EFNA5: variants seen among roughly 807,000 people sequenced by gnomAD.
EFNA5 encodes ephrin-A5.
A neutral mutation model predicts 22.9 loss-of-function variants in EFNA5; 5 were observed. The ratio of observed to expected loss-of-function variants is 0.22; its 90% CI spans 0.11 to 0.46. The LOEUF (loss-of-function observed/expected upper bound fraction) is 0.46. Ranked by LOEUF, EFNA5 falls within the 20% of genes least tolerant of loss-of-function variation. The pLI is 0.99. For synonymous variants in EFNA5, 113 were observed against 112.2 expected, an observed-to-expected ratio of 1.01 and a Z score of -0.04; for missense variants, 237 against 293.3, an observed-to-expected ratio of 0.81 and a Z score of 1.40.
chr5:107,607,343 T>C (rs1190717994), intron 1 of EFNA5, among the ~76,000 whole-genome samples: 1 of 152,248 alleles, frequency 6.6e-6, no homozygotes, highest in Non-Finnish European at 1.5e-5. Flanking sequence ...GCTAACTCGC[T>C]GCCTGCTAGA....
Position 107,377,250 on chromosome 5 carries a change from T to C in EFNA5, c.*4005A>G, listed in dbSNP as rs533702883. On this transcript the variant is annotated 3_prime_UTR_variant, in exon 5 of 5. Transcript: ENST00000333274. ...TGTACAGACAATGGGAGCAAGCCCATTGTAGGGAGATTTGTCTCACATCCT... is the reference window on the plus strand; with the variant it reads ...TGTACAGACAATGGGAGCAAGCCCACTGTAGGGAGATTTGTCTCACATCCT... 2.6e-5 allele frequency: 4 copies of C among 152,118 alleles called. No homozygotes were observed. The highest frequency in any genetic ancestry group is 7.2e-5 in the African/African-American group (3 of 41,494). The allele number at this position is 152,118 out of a possible 1,614,324, so 9.4% of individuals were successfully genotyped here.
intron 1 of EFNA5, among the ~76,000 whole-genome samples, chr5:107,603,462 C>G (rs530715777): frequency 2.0e-4 from 30 of 152,302 alleles, no homozygotes; most frequent in Middle Eastern, 6.8e-3. Context: ...TAGGCCATAC[C>G]TCAGGAGAAC....
intron 1 of EFNA5, among the ~76,000 whole-genome samples, chr5:107,531,781 A>G (rs1747815207): frequency 6.6e-6 from 1 of 152,222 alleles, no homozygotes; most frequent in South Asian, 2.1e-4. Context: ...ATACTAACGT[A>G]ATGTGCAGGA....
At chr5:107,609,421 C>T (rs1749783566) in intron 1 of EFNA5, among the ~76,000 whole-genome samples, 2 of 152,174 alleles carry the variant, frequency 1.3e-5, no homozygotes, top group Admixed American at 6.5e-5. Context: ...CTTCCCGTGA[C>T]TTGGCCTCCT....
At chr5:107,659,496 CTTTTTT>C (rs550340874) in intron 1 of EFNA5, among the ~76,000 whole-genome samples, 2 of 129,270 alleles carry the variant, frequency 1.5e-5, no homozygotes, top group Non-Finnish European at 3.3e-5. Flanking sequence ...TTGGGTTTTC[CTTTTTT>C]TTTTTTTTTT....
At chr5:107,494,259 A>AGCTGCGGGCG (rs374666597) in intron 1 of EFNA5, among the ~76,000 whole-genome samples, 3 of 152,084 alleles carry the variant, frequency 2.0e-5, no homozygotes, top group Non-Finnish European at 1.5e-5. Flanking sequence ...CGGAGGCGTG[A>AGCTGCGGGCG]GCTGCGGGCG....
Position 107,502,882 on chromosome 5 carries a change from C to T in EFNA5, c.126-75373G>A, listed in dbSNP as rs1221137864. 3.3e-5 allele frequency among the ~76,000 whole-genome samples: 5 copies of T among 152,246 alleles called. No homozygotes were observed. In the East Asian group the frequency reaches 5.8e-4, roughly 18 times the overall value. ...TAGCAGCAGCACTCCAACCCTCTTC[C>T]CATTCATTGCCTACAGGAACCACTC... On this transcript the variant is annotated intron_variant, in intron 1 of 4. Transcript: ENST00000333274.
rs542991116 is a variant in EFNA5 at position 107,480,880 on chromosome 5, G to A, written c.126-53371C>T. Among the ~76,000 whole-genome samples, 6 of 149,410 alleles carry A rather than the reference G, an allele frequency of 4.0e-5. No individual in the cohort carries two copies. In the South Asian group the frequency reaches 1.3e-3, roughly 32 times the overall value. ...GTGACTGCCTAGAAATGAGCAGAAG[G>A]AGAACTTGGAAATAACAGGTCTGAA... On this transcript the variant is annotated intron_variant, in intron 1 of 4. Coordinates refer to ENST00000333274, the MANE Select transcript of EFNA5 (RefSeq NM_001962.3).
At chr5:107,638,500 G>T (rs1228202491) in intron 1 of EFNA5, among the ~76,000 whole-genome samples, 1 of 151,960 alleles carries the variant, frequency 6.6e-6, no homozygotes, top group African/African-American at 2.4e-5. Context: ...AATTCAAACA[G>T]GCATGGATCA....
chr5:107,411,727 A>G (rs1414776062), intron 2 of EFNA5, among the ~76,000 whole-genome samples: 1 of 152,148 alleles, frequency 6.6e-6, no homozygotes, highest in African/African-American at 2.4e-5. Flanking sequence ...CACACCAACT[A>G]TAGGCATGGC....
chr5:107,574,521 A>C (rs185123067), intron 1 of EFNA5, among the ~76,000 whole-genome samples: 1 of 152,360 alleles, frequency 6.6e-6, no homozygotes, highest in East Asian at 1.9e-4. Flanking sequence ...GTAGCAGATT[A>C]GTAGGCAGCC....
In EFNA5 at chr5:107,546,486, C is replaced by T. The variant is rs202028651; in HGVS notation, c.126-118977G>A. On this transcript the variant is annotated intron_variant, in intron 1 of 4. Transcript: ENST00000333274. ...ATTTGCACAGCATATGTACTGCGTC[C>T]GAAGCAGTGCATTAAAAAAGATCTC... Among the ~76,000 whole-genome samples the T allele has an allele frequency of 2.6e-5, 4 of 152,258 alleles. No homozygotes were observed. In the East Asian group the frequency reaches 5.8e-4, roughly 22 times the overall value.
At chr5:107,661,012 A>G (rs951591530) in intron 1 of EFNA5, among the ~76,000 whole-genome samples, 1 of 152,128 alleles carries the variant, frequency 6.6e-6, no homozygotes, top group Non-Finnish European at 1.5e-5. Flanking sequence ...ACAGTATCTA[A>G]AACATTAATG....
At chr5:107,600,795 T>C (rs1161671342) in intron 1 of EFNA5, among the ~76,000 whole-genome samples, 1 of 152,140 alleles carries the variant, frequency 6.6e-6, no homozygotes, top group Non-Finnish European at 1.5e-5. Context: ...GCCAAAAATG[T>C]TTCTCTCTTA....
chr5:107,585,044 A>G (rs1749155998), intron 1 of EFNA5, among the ~76,000 whole-genome samples: 1 of 152,072 alleles, frequency 6.6e-6, no homozygotes, highest in East Asian at 1.9e-4. Context: ...TTATGGGACT[A>G]GTGAGGATCA....
At chr5:107,592,169 C>T (rs979115394) in intron 1 of EFNA5, among the ~76,000 whole-genome samples, 1 of 139,438 alleles carries the variant, frequency 7.2e-6, no homozygotes, top group Non-Finnish European at 1.5e-5. Context: ...CATTAAATAT[C>T]ATTAGAGTAG....
chr5:107,412,284 G>C (rs1748388513), intron 2 of EFNA5, among the ~76,000 whole-genome samples: 3 of 151,978 alleles, frequency 2.0e-5, no homozygotes, highest in African/African-American at 7.3e-5. Flanking sequence ...GAACTGACTT[G>C]GAATGTACGG....
chr5:107,426,963 A>T (rs546167380), intron 2 of EFNA5: 47 of 371,178 alleles, frequency 1.3e-4, no homozygotes, highest in South Asian at 6.7e-4. Flanking sequence ...ATTTTCATTT[A>T]AAAAAAATAC....
chr5:107,395,034 C>CTTTAGTTCTTTTTTTTTTTTTT (rs1747883567), intron 2 of EFNA5, among the ~76,000 whole-genome samples: 4 of 86,142 alleles, frequency 4.6e-5, no homozygotes, highest in Non-Finnish European at 8.8e-5. Flanking sequence ...ATTTCTAGTT[C>CTTTAGTTCTTTTTTTTTTTTTT]TTTTTTTTTT....
Sources: gnomAD v4.1 joint callset for allele counts (sites outside exome capture counted in the v4.1 genomes callset) on GRCh38, gnomAD v4.1.1 for gene constraint, MANE v1.5 for transcripts, NCBI Gene and HGNC (gene_info 2026-07-23, HGNC 2026-07-21) for gene names.